Variants in ZMIZ1 observed in about 807,000 individuals in gnomAD.
ZMIZ1 encodes the protein zinc finger MIZ domain-containing protein 1.
In ZMIZ1, 17 loss-of-function variants were observed where a neutral mutation model predicts 113.9. That is an observed-to-expected ratio of 0.15 (90% confidence interval 0.10 to 0.22). ZMIZ1 has a LOEUF of 0.22. Ranked by LOEUF, ZMIZ1 falls within the 10% of genes least tolerant of loss-of-function variation. ZMIZ1 has a pLI of 1.00. For missense variants in ZMIZ1, 1,059 were observed against 1,477.8 expected, an observed-to-expected ratio of 0.72 and a Z score of 4.65; for synonymous variants, 607 against 603.1, an observed-to-expected ratio of 1.01 and a Z score of -0.09.
intron 5 of ZMIZ1, among the ~76,000 whole-genome samples, chr10:79,202,743 C>T (rs561012729): frequency 6.6e-6 from 1 of 152,232 alleles, no homozygotes; most frequent in Non-Finnish European, 1.5e-5. Context: ...CTGGGCCCAG[C>T]TCCCACTGCC....
At chr10:79,235,942 A>C (rs1042580684) in intron 7 of ZMIZ1, among the ~76,000 whole-genome samples, 2 of 152,222 alleles carry the variant, frequency 1.3e-5, no homozygotes, top group Non-Finnish European at 2.9e-5. Flanking sequence ...TTAATATGCC[A>C]TGTGACTGGA....
intron 3 of ZMIZ1, among the ~76,000 whole-genome samples, chr10:79,157,954 C>T (rs1481240805): frequency 6.8e-6 from 1 of 147,414 alleles, no homozygotes; most frequent in Non-Finnish European, 1.5e-5. Flanking sequence ...TGTAAAATGA[C>T]AGTAGAACAG....
chr10:79,307,274 C>A, intron 22 of ZMIZ1, 131 bp from the exon 23 acceptor site: 1 of 872,484 alleles, frequency 1.1e-6, no homozygotes, highest in South Asian at 1.7e-5. Flanking sequence ...AAGCCTCGGG[C>A]TGCTGTGACC....
In ZMIZ1 at chr10:79,080,831, C is replaced by T. The variant is rs940168935; in HGVS notation, c.-337+11561C>T. Among the ~76,000 whole-genome samples, 4 of 152,072 alleles carry T rather than the reference C, an allele frequency of 2.6e-5. No homozygotes were observed. The East Asian group carries it at 5.8e-4, about 22-fold the overall frequency. Reference sequence around the variant, plus strand: ...TCCTCATGGGCCTCAGAAGTCTTGGCGCCTTCTGCCTTGTGGATGGCCTCC... The same window carrying T: ...TCCTCATGGGCCTCAGAAGTCTTGGTGCCTTCTGCCTTGTGGATGGCCTCC... On this transcript the variant is annotated intron_variant, in intron 1 of 24. Transcript: ENST00000334512.
intron 2 of ZMIZ1, among the ~76,000 whole-genome samples, chr10:79,119,868 C>A (rs1844210471): frequency 6.6e-6 from 1 of 152,168 alleles, no homozygotes; most frequent in Non-Finnish European, 1.5e-5. Flanking sequence ...TTTCCCTCCG[C>A]CCCTCAAGTT....
intron 1 of ZMIZ1, among the ~76,000 whole-genome samples, chr10:79,117,617 A>ATGCATG (rs1844107167): frequency 6.6e-6 from 1 of 152,218 alleles, no homozygotes; most frequent in Non-Finnish European, 1.5e-5. Context: ...TGGTGAACAT[A>ATGCATG]TGCACATTTT....
rs3740260 is a variant in ZMIZ1, at chr10:79,315,213, G to C, written c.*2464G>C. The C allele has an allele frequency of 1.3e-5, 2 of 152,858 alleles. No homozygotes were observed. Among genetic ancestry groups the C allele is most frequent in the East Asian group, 3.8e-4 (2 of 5,254 alleles). The allele number at this position is 152,858 out of a possible 1,614,324, so 9.5% of individuals were successfully genotyped here. On this transcript the variant is annotated 3_prime_UTR_variant, in exon 25 of 25. Coordinates refer to ENST00000334512, the MANE Select transcript of ZMIZ1 (RefSeq NM_020338.4). ...CTTCCCTTCCGGCTGGCTCTGAACC[G>C]TGCGTGGTGCCTACAGCCTGCAGTC...
intron 1 of ZMIZ1, among the ~76,000 whole-genome samples, chr10:79,087,010 GTTGTTC>G (rs1842836468): frequency 6.6e-6 from 1 of 152,316 alleles, no homozygotes; most frequent in Admixed American, 6.5e-5. Flanking sequence ...CACTGCTTTG[GTTGTTC>G]TTTGTTTTGT....
chr10:79,074,446 T>G (rs1359235138), intron 1 of ZMIZ1, among the ~76,000 whole-genome samples: 1 of 152,234 alleles, frequency 6.6e-6, no homozygotes, highest in Non-Finnish European at 1.5e-5. Context: ...GCTGTGTCCC[T>G]TTCTTTTGGC....
At chr10:79,292,129 C>T in intron 10 of ZMIZ1, 29 bp from the exon 11 acceptor site, 2 of 1,586,194 alleles carry the variant, frequency 1.3e-6, no homozygotes, top group South Asian at 1.1e-5. Flanking sequence ...CAGGCAGTAC[C>T]TAACTCTTCC....
Position 79,162,144 on chromosome 10 carries a change from C to G in ZMIZ1, c.-50+11C>G, listed in dbSNP as rs1450207805. 3 of 399,410 alleles carry G rather than the reference C, an allele frequency of 7.5e-6. No individual in the cohort carries two copies. Among genetic ancestry groups the G allele is most frequent in the Non-Finnish European group, 1.3e-5 (3 of 226,408 alleles). 24.7% of individuals were successfully genotyped at this position (399,410 alleles called of 1,614,324 possible). A position where few individuals can be genotyped will look rare whatever the true frequency, so the allele number is the denominator to read the frequency against. ...TTGCAGATCACTGAGGTAGGTGTGC[C>G]ACGGGGCTGGCGGGAGGTGGCTGGG... On this transcript the variant is annotated intron_variant, in intron 4 of 24. Coordinates refer to ENST00000334512, the MANE Select transcript of ZMIZ1 (RefSeq NM_020338.4).
At chr10:79,099,107 T>C (rs908904321) in intron 1 of ZMIZ1, among the ~76,000 whole-genome samples, 1 of 152,062 alleles carries the variant, frequency 6.6e-6, no homozygotes, top group African/African-American at 2.4e-5. Flanking sequence ...CACCCCCTCC[T>C]CGACACCCAC....
chr10:79,300,123 G>A (rs1854190110), intron 16 of ZMIZ1, among the ~76,000 whole-genome samples: 1 of 152,250 alleles, frequency 6.6e-6, no homozygotes, highest in African/African-American at 2.4e-5. Flanking sequence ...CAGGAGGACA[G>A]AGGTCCCTGG....
At chr10:79,085,803 G>A (rs978565944) in intron 1 of ZMIZ1, among the ~76,000 whole-genome samples, 2 of 152,238 alleles carry the variant, frequency 1.3e-5, no homozygotes, top group East Asian at 1.9e-4. Flanking sequence ...TTTCTGAGCT[G>A]TGCCCAGTGG....
intron 9 of ZMIZ1, 25 bp from the exon 10 acceptor site, chr10:79,290,934 G>A: frequency 6.2e-7 from 1 of 1,609,984 alleles, no homozygotes; most frequent in African/African-American, 1.3e-5. Context: ...AGCACCTTAG[G>A]TGACAACCAC....
At chr10:79,072,283 C>G (rs1007762730) in intron 1 of ZMIZ1, among the ~76,000 whole-genome samples, 6 of 152,228 alleles carry the variant, frequency 3.9e-5, no homozygotes, top group African/African-American at 1.4e-4. Context: ...CGCACGCACA[C>G]TCACTTCCCT....
At chr10:79,166,002 G>GTGTGTGTGTGTGTGTGT (rs56386650) in intron 4 of ZMIZ1, among the ~76,000 whole-genome samples, 55 of 13,426 alleles carry the variant, frequency 4.1e-3, no homozygotes, top group African/African-American at 5.9e-3. Context: ...GTGTGTGTGT[G>GTGTGTGTGTGTGTGTGT]GGCTCTCCCT....
chr10:79,258,310 G>C (rs1851046104), intron 7 of ZMIZ1, among the ~76,000 whole-genome samples: 1 of 152,200 alleles, frequency 6.6e-6, no homozygotes. Context: ...CTTGAGCCCA[G>C]GAGGTCGAGG....
intron 1 of ZMIZ1, among the ~76,000 whole-genome samples, chr10:79,078,721 T>TTTTTTTTC (rs1268438577): frequency 6.8e-6 from 1 of 146,370 alleles, no homozygotes; most frequent in East Asian, 2.0e-4. Flanking sequence ...ATTTTTGTAT[T>TTTTTTTTC]TTTTTTTTTT....
Sources: allele counts gnomAD v4.1 joint callset (sites outside exome capture counted in the v4.1 genomes callset), GRCh38; gene constraint gnomAD v4.1.1; transcripts MANE v1.5; gene names NCBI Gene and HGNC (gene_info 2026-07-23, HGNC 2026-07-21).